Variants in SYNRG observed in about 807,000 individuals in gnomAD.
The protein encoded by SYNRG is synergin gamma, also known as AP1 gamma subunit binding protein 1.
In SYNRG, 37 loss-of-function variants were observed where a neutral mutation model predicts 130.9. The observed-to-expected ratio is 0.28, with a 90% CI of 0.22 to 0.37. The LOEUF (loss-of-function observed/expected upper bound fraction) is 0.37. SYNRG is among the 10% of genes least tolerant of loss of function. The pLI is 1.00. For missense variants in SYNRG, 1,338 were observed against 1,588.9 expected (o/e 0.84, Z 2.68); for synonymous variants, 539 against 568.1 (o/e 0.95, Z 0.73).
Position 37,586,675 on chromosome 17 carries a change from AAAAGATGC to A in SYNRG, c.241-134_241-127del, listed in dbSNP as rs1223270030. On this transcript the variant is annotated intron_variant, in intron 3 of 21. Coordinates refer to ENST00000612223, the MANE Select transcript of SYNRG (RefSeq NM_007247.6). ...GTAAAAAATAGAAATATATTGGATT[AAAAGATGC>A]AAAGATGCAAATAAATAAAAGATGC... 52 of 1,089,652 alleles carry A rather than the reference AAAAGATGC, an allele frequency of 4.8e-5. No individual in the cohort carries two copies. The African/African-American group carries it at 7.6e-4, about 16-fold the overall frequency. The allele number at this position is 1,089,652 out of a possible 1,614,324, so 67.5% of individuals were successfully genotyped here.
Position 37,547,698 on chromosome 17 carries a change from G to T in SYNRG, c.2609-5133C>A, listed in dbSNP as rs148680549. Among the ~76,000 whole-genome samples the T allele has an allele frequency of 4.2e-3, 640 of 152,180 alleles. 4 individuals carry two copies. The highest frequency in any genetic ancestry group is 0.015 in the African/African-American group (606 of 41,526). On this transcript the variant is annotated intron_variant, in intron 14 of 21. Transcript: ENST00000612223. ...GGCTGGTCTCCAACTCCTGACCTCA[G>T]GTGATCCGCCTGCCTTCGCCTCCCA...
chr17:37,538,665 G>A (rs1481979684), intron 17 of SYNRG, among the ~76,000 whole-genome samples: 5 of 152,158 alleles, frequency 3.3e-5, no homozygotes, highest in Non-Finnish European at 5.9e-5. Context: ...GCAAGATCTC[G>A]GCTCACTGAA....
At chr17:37,608,786 G>C (rs1031093161) in intron 1 of SYNRG, among the ~76,000 whole-genome samples, 3 of 152,078 alleles carry the variant, frequency 2.0e-5, no homozygotes, top group African/African-American at 7.2e-5. Context: ...AAAGAGGACA[G>C]GACACTCTAA....
intron 13 of SYNRG, among the ~76,000 whole-genome samples, chr17:37,557,562 C>A (rs2059210720): frequency 6.6e-6 from 1 of 152,178 alleles, no homozygotes. Flanking sequence ...AAAATAACAA[C>A]AATCTGGAAC....
chr17:37,553,686 A>G lies in SYNRG; in HGVS notation c.2037T>C (p.Tyr679=). ...DFGEFSLFGE[Y]SGLAPVGEQD... Reference sequence around the variant, plus strand: ...GCTCCCCAACAGGTGCTAGACCAGAATATTCCCCAAAAAGGCTGAATTCTC... The same window carrying G: ...GCTCCCCAACAGGTGCTAGACCAGAGTATTCCCCAAAAAGGCTGAATTCTC... Residue 679 remains tyrosine (Y), a synonymous_variant, in exon 14 of 22, where the codon TAT becomes TAC. Coordinates refer to ENST00000612223, the MANE Select transcript of SYNRG (RefSeq NM_007247.6). 6.2e-7 allele frequency: 1 copy of G among 1,613,872 alleles called. No individual in the cohort carries two copies. Among genetic ancestry groups the G allele is most frequent in the Non-Finnish European group, 8.5e-7 (1 of 1,179,978 alleles).
intron 14 of SYNRG, among the ~76,000 whole-genome samples, chr17:37,549,269 G>C (rs938058238): frequency 1.2e-4 from 18 of 152,046 alleles, no homozygotes; most frequent in Admixed American, 7.2e-4. Flanking sequence ...CCCTTTCCCA[G>C]GGATTTTATT....
rs931023093 is a variant in SYNRG at position 37,518,835 on chromosome 17, A to C, written c.*105T>G. The C allele has an allele frequency of 2.4e-5, 36 of 1,481,762 alleles. No homozygotes were observed. In the Admixed American group the frequency reaches 7.7e-4, roughly 32 times the overall value. 91.8% of individuals were successfully genotyped at this position (1,481,762 alleles called of 1,614,324 possible). On this transcript the variant is annotated 3_prime_UTR_variant, in exon 22 of 22. Coordinates refer to ENST00000612223, the MANE Select transcript of SYNRG (RefSeq NM_007247.6). ...GTCCCTTGCGGTGTTCTTCATATCG[A>C]TTCAGGGAAGCGAACTGTGCAGTGC...
intron 1 of SYNRG, among the ~76,000 whole-genome samples, chr17:37,601,874 A>C (rs2063315379): frequency 6.6e-6 from 1 of 152,136 alleles, no homozygotes; most frequent in East Asian, 1.9e-4. Flanking sequence ...CATGATGGCC[A>C]GGCTGGTCTT....
At chr17:37,602,811 G>T (rs1379670559) in intron 1 of SYNRG, among the ~76,000 whole-genome samples, 9 of 152,008 alleles carry the variant, frequency 5.9e-5, no homozygotes, top group Non-Finnish European at 1.3e-4. Context: ...ATCACTTGAG[G>T]CCAGGAGTTC....
intron 16 of SYNRG, among the ~76,000 whole-genome samples, 170 bp from the exon 17 acceptor site, chr17:37,539,415 T>C (rs1201828661): frequency 6.6e-6 from 1 of 152,228 alleles, no homozygotes; most frequent in Non-Finnish European, 1.5e-5. Flanking sequence ...AGGGTCTTGC[T>C]CTGTTGCCCA....
At chr17:37,581,295 T>TTAC (rs1491360768) in intron 6 of SYNRG, among the ~76,000 whole-genome samples, 24 of 151,810 alleles carry the variant, frequency 1.6e-4, no homozygotes, top group Admixed American at 4.6e-4. Context: ...ATTATTATTA[T>TTAC]GATACTGGGT....
chr17:37,589,689 C>T (rs899581101), intron 3 of SYNRG, among the ~76,000 whole-genome samples: 4 of 151,238 alleles, frequency 2.6e-5, no homozygotes, highest in Admixed American at 6.6e-5. Flanking sequence ...GCAGAGCATG[C>T]AGTGAGCCAA....
chr17:37,570,143 CTTTTTTTT>C lies in SYNRG; in HGVS notation c.1347+486_1347+493del, dbSNP rs11320959. ...GATAGAAGATATAGACATGCTGAGG[CTTTTTTTT>C]TTTTTTTTTTTTTTAAACTCAGTCT... On this transcript the variant is annotated intron_variant, in intron 10 of 21. Transcript: ENST00000612223. Among the ~76,000 whole-genome samples the C allele has an allele frequency of 7.9e-5, 9 of 113,834 alleles. 1 individual carries two copies. The highest frequency in any genetic ancestry group is 2.9e-4 in the African/African-American group (9 of 31,024). The allele number at this position is 113,834 out of a possible 152,430, so 74.7% of individuals were successfully genotyped here.
At position 37,516,763 on chromosome 17, in the gene SYNRG, T is replaced by C. The variant is rs1433152231; in HGVS notation, c.*2177A>G. ...GGACTTGTGATCTCCCGCCTCAGCT[T>C]ACCTAGTAGCTGGGACCACGAATGT... On this transcript the variant is annotated 3_prime_UTR_variant, in exon 22 of 22. Coordinates refer to ENST00000612223, the MANE Select transcript of SYNRG (RefSeq NM_007247.6). The C allele has an allele frequency of 1.3e-5, 2 of 152,034 alleles. No individual in the cohort carries two copies. Among genetic ancestry groups the C allele is most frequent in the East Asian group, 3.9e-4 (2 of 5,188 alleles). The allele number at this position is 152,034 out of a possible 1,614,324, so 9.4% of individuals were successfully genotyped here.
chr17:37,527,817 C>T (rs1759674582), intron 19 of SYNRG, among the ~76,000 whole-genome samples: 1 of 152,120 alleles, frequency 6.6e-6, no homozygotes, highest in Non-Finnish European at 1.5e-5. Context: ...CCAATTCCCC[C>T]CCCATGGACA....
Position 37,518,837 on chromosome 17 carries a change from T to C in SYNRG, c.*103A>G. Reference sequence around the variant, plus strand: ...CCCTTGCGGTGTTCTTCATATCGATTCAGGGAAGCGAACTGTGCAGTGCTC... The same window carrying C: ...CCCTTGCGGTGTTCTTCATATCGATCCAGGGAAGCGAACTGTGCAGTGCTC... On this transcript the variant is annotated 3_prime_UTR_variant, in exon 22 of 22. Transcript: ENST00000612223. 1.3e-6 allele frequency: 2 copies of C among 1,486,826 alleles called. No homozygotes were observed. The highest frequency in any genetic ancestry group is 1.4e-5 in the South Asian group (1 of 73,996). 92.1% of individuals were successfully genotyped at this position (1,486,826 alleles called of 1,614,324 possible). A position where few individuals can be genotyped will look rare whatever the true frequency, so the allele number is the denominator to read the frequency against.
chr17:37,544,057 G>A (rs1214205547), intron 14 of SYNRG, among the ~76,000 whole-genome samples: 5 of 152,176 alleles, frequency 3.3e-5, no homozygotes, highest in African/African-American at 1.2e-4. Context: ...AATTTATGAG[G>A]GGTAAGAAGC....
At chr17:37,551,754 T>C (rs777075945) in intron 14 of SYNRG, among the ~76,000 whole-genome samples, 5 of 151,496 alleles carry the variant, frequency 3.3e-5, no homozygotes, top group Non-Finnish European at 7.4e-5. Context: ...ACAGAGCACT[T>C]TGCAACCAAC....
rs1324294281 is a variant in SYNRG, at chr17:37,516,974, C to T, written c.*1966G>A. 1.4e-4 allele frequency: 21 copies of T among 152,230 alleles called. No homozygotes were observed. Among genetic ancestry groups the T allele is most frequent in the Admixed American group, 1.3e-3 (20 of 15,290 alleles). 9.4% of individuals were successfully genotyped at this position (152,230 alleles called of 1,614,324 possible). A position where few individuals can be genotyped will look rare whatever the true frequency, so the allele number is the denominator to read the frequency against. On this transcript the variant is annotated 3_prime_UTR_variant, in exon 22 of 22. Transcript: ENST00000612223. Reference sequence around the variant, plus strand: ...GTGGCTCACGCCTGTAATCCCGGTACTTTGGGAGGCTGAGGCGGGCGGATC... The same window carrying T: ...GTGGCTCACGCCTGTAATCCCGGTATTTTGGGAGGCTGAGGCGGGCGGATC...
Sources: allele counts gnomAD v4.1 joint callset (sites outside exome capture counted in the v4.1 genomes callset), GRCh38; gene constraint gnomAD v4.1.1; transcripts MANE v1.5; gene names NCBI Gene and HGNC (gene_info 2026-07-23, HGNC 2026-07-21).